The following SECISBP2L variants were observed in gnomAD, a reference collection of about 807,000 sequenced individuals.
SECISBP2L encodes SECIS binding protein 2 like, also known as selenocysteine insertion sequence-binding protein 2-like.
A neutral mutation model predicts 114.7 loss-of-function variants in SECISBP2L; 43 were observed. The ratio of observed to expected loss-of-function variants is 0.38; its 90% CI spans 0.29 to 0.48. The LOEUF is 0.48. Ranked by LOEUF, SECISBP2L falls within the 20% of genes least tolerant of loss-of-function variation. SECISBP2L has a pLI of 0.98. For missense variants in SECISBP2L, 1,136 were observed against 1,301.1 expected (o/e 0.87, Z 1.95); for synonymous variants, 451 against 439.7 (o/e 1.03, Z -0.32).
intron 11 of SECISBP2L, among the ~76,000 whole-genome samples, chr15:49,013,543 C>G (rs185154673): frequency 1.3e-5 from 2 of 152,196 alleles, no homozygotes; most frequent in African/African-American, 4.8e-5. Context: ...GATCCGCCCA[C>G]GCTGGCCTCC....
chr15:49,006,718 T>C (rs1157535781), intron 14 of SECISBP2L, among the ~76,000 whole-genome samples: 1 of 152,090 alleles, frequency 6.6e-6, no homozygotes, highest in Non-Finnish European at 1.5e-5. Context: ...TCGGAGGAGT[T>C]TGTTAACATT....
At position 49,028,083 on chromosome 15, in the gene SECISBP2L, G is replaced by C. The variant is rs750081610; in HGVS notation, c.919+61C>G. On this transcript the variant is annotated intron_variant, in intron 6 of 17. Coordinates refer to ENST00000559471, the MANE Select transcript of SECISBP2L (RefSeq NM_001193489.2). ...TATCAGCAAGCCTCATGCTTAAAAG[G>C]AAAACTCTGATATGGACAAAGTAGA... 4 of 1,463,398 alleles carry C rather than the reference G, an allele frequency of 2.7e-6. No homozygotes were observed. The Admixed American group carries it at 9.6e-5, about 35-fold the overall frequency. 90.7% of individuals were successfully genotyped at this position (1,463,398 alleles called of 1,614,324 possible). A position where few individuals can be genotyped will look rare whatever the true frequency, so the allele number is the denominator to read the frequency against.
intron 5 of SECISBP2L, 96 bp from the exon 6 acceptor site, chr15:49,028,264 G>T: frequency 9.2e-7 from 1 of 1,084,998 alleles, no homozygotes; most frequent in African/African-American, 1.6e-5. Context: ...TGTGAAGCAT[G>T]CATATCACAA....
chr15:48,992,965 T>C (rs757122762), intron 17 of SECISBP2L, 39 bp from the exon 18 acceptor site: 2 of 1,520,946 alleles, frequency 1.3e-6, no homozygotes, highest in East Asian at 2.3e-5. Context: ...ACCAGAACAC[T>C]GTTTCAAAAT....
rs1198271832 is a variant in SECISBP2L at position 48,991,084 on chromosome 15, G to C, written c.*1160C>G. ...ATAGAGAATTAATACCTACATATCT[G>C]TATACTCTAAATCATCTAATAGTTT... On this transcript the variant is annotated 3_prime_UTR_variant, in exon 18 of 18. Coordinates refer to ENST00000559471, the MANE Select transcript of SECISBP2L (RefSeq NM_001193489.2). 6.6e-6 allele frequency: 1 copy of C among 152,150 alleles called. No homozygotes were observed. The highest frequency in any genetic ancestry group is 1.5e-5 in the Non-Finnish European group (1 of 68,026). The allele number at this position is 152,150 out of a possible 1,614,324, so 9.4% of individuals were successfully genotyped here. A position where few individuals can be genotyped will look rare whatever the true frequency, so the allele number is the denominator to read the frequency against.
chr15:49,016,751 T>C (rs764208623), intron 10 of SECISBP2L, 50 bp from the exon 11 acceptor site: 4 of 1,522,750 alleles, frequency 2.6e-6, no homozygotes, highest in Non-Finnish European at 3.5e-6. Context: ...TACGAAACTG[T>C]GGCATTTTAA....
rs1902456980 is a variant in SECISBP2L, at chr15:49,012,560, G to A, written c.1731+88C>T. ...TGAATACTTCTCACAACAATCTGTT[G>A]GCTAAGACACCACAACCTACTTTTA... On this transcript the variant is annotated intron_variant, in intron 12 of 17. Coordinates refer to ENST00000559471, the MANE Select transcript of SECISBP2L (RefSeq NM_001193489.2). 3 of 1,342,412 alleles carry A rather than the reference G, an allele frequency of 2.2e-6. No homozygotes were observed. In the African/African-American group the frequency reaches 4.4e-5, roughly 20 times the overall value. 83.2% of individuals were successfully genotyped at this position (1,342,412 alleles called of 1,614,324 possible). A position where few individuals can be genotyped will look rare whatever the true frequency, so the allele number is the denominator to read the frequency against.
At chr15:49,012,879 T>G (rs971468103) in intron 11 of SECISBP2L, 62 bp from the exon 12 acceptor site, 4 of 1,514,254 alleles carry the variant, frequency 2.6e-6, no homozygotes, top group Non-Finnish European at 2.7e-6. Context: ...TTTCAAAATT[T>G]CCAATAACTA....
chr15:49,030,982 T>C (rs775114083), intron 4 of SECISBP2L, among the ~76,000 whole-genome samples: 1 of 152,030 alleles, frequency 6.6e-6, no homozygotes, highest in Non-Finnish European at 1.5e-5. Flanking sequence ...CAAAATCACT[T>C]TGAACATGAT....
At chr15:48,998,104 G>T (rs944829608) in intron 16 of SECISBP2L, among the ~76,000 whole-genome samples, 7 of 152,112 alleles carry the variant, frequency 4.6e-5, no homozygotes, top group Non-Finnish European at 8.8e-5. Context: ...ACATAACCTG[G>T]ACATTTTTGA....
At chr15:48,994,842 GA>G (rs34085482) in intron 17 of SECISBP2L, among the ~76,000 whole-genome samples, 18 of 133,050 alleles carry the variant, frequency 1.4e-4, no homozygotes, top group African/African-American at 4.5e-4. Context: ...AAGTGCTGGG[GA>G]AAAAAAAAAA....
chr15:49,011,975 G>T lies in SECISBP2L; in HGVS notation c.1732-112C>A, dbSNP rs1902446413. The T allele has an allele frequency of 2.4e-6, 3 of 1,250,256 alleles. No homozygotes were observed. The African/African-American group carries it at 4.5e-5, about 19-fold the overall frequency. The allele number at this position is 1,250,256 out of a possible 1,614,324, so 77.4% of individuals were successfully genotyped here. On this transcript the variant is annotated intron_variant, in intron 12 of 17. Coordinates refer to ENST00000559471, the MANE Select transcript of SECISBP2L (RefSeq NM_001193489.2). Reference sequence around the variant, plus strand: ...GTAGTTCACTTAAACATGAACATGAGAAGTTTGGCTAACTGGCAAAAAGGC... The same window carrying T: ...GTAGTTCACTTAAACATGAACATGATAAGTTTGGCTAACTGGCAAAAAGGC...
chr15:49,037,552 C>T (rs767517526), intron 2 of SECISBP2L, 39 bp downstream of exon 2: 4 of 1,576,996 alleles, frequency 2.5e-6, no homozygotes, highest in South Asian at 2.3e-5. Flanking sequence ...GCTTTTATAG[C>T]CACCCCCACA....
At chr15:49,017,398 A>C (rs1245989024) in intron 9 of SECISBP2L, 150 bp downstream of exon 9, 1 of 590,500 alleles carries the variant, frequency 1.7e-6, no homozygotes, top group Non-Finnish European at 2.9e-6. Context: ...GCTATGCTGG[A>C]AAAGAAATAT....
At chr15:49,045,197 C>G (rs1903219031) in intron 1 of SECISBP2L, among the ~76,000 whole-genome samples, 1 of 151,880 alleles carries the variant, frequency 6.6e-6, no homozygotes, top group Non-Finnish European at 1.5e-5. Flanking sequence ...AAAAAAAAGT[C>G]TTCTGTAAAA....
chr15:49,024,390 G>A (rs776513812), intron 7 of SECISBP2L, among the ~76,000 whole-genome samples: 1 of 151,790 alleles, frequency 6.6e-6, no homozygotes, highest in Non-Finnish European at 1.5e-5. Context: ...CAGCTACTCA[G>A]GAGGCTGAGG....
At chr15:49,033,785 T>C (rs989118451) in intron 3 of SECISBP2L, among the ~76,000 whole-genome samples, 5 of 152,168 alleles carry the variant, frequency 3.3e-5, no homozygotes, top group African/African-American at 1.2e-4. Context: ...TGAGCAATGA[T>C]TGCTCTACTG....
In SECISBP2L at chr15:48,990,796, T is replaced by C. The variant is rs1315505264; in HGVS notation, c.*1448A>G. 3 of 137,462 alleles carry C rather than the reference T, an allele frequency of 2.2e-5. No individual in the cohort carries two copies. Among genetic ancestry groups the C allele is most frequent in the African/African-American group, 8.3e-5 (3 of 36,216 alleles). 8.5% of individuals were successfully genotyped at this position (137,462 alleles called of 1,614,324 possible). ...TCCTTCTCAGTTTTGTGCCTGCTTA[T>C]GGAAGCTTGTAAGTGGAAAACACAC... On this transcript the variant is annotated 3_prime_UTR_variant, in exon 18 of 18. Coordinates refer to ENST00000559471, the MANE Select transcript of SECISBP2L (RefSeq NM_001193489.2).
chr15:48,993,091 C>CAGAGAG (rs140847057), intron 17 of SECISBP2L, among the ~76,000 whole-genome samples, 165 bp from the exon 18 acceptor site: 30,115 of 140,310 alleles, frequency 0.21, 3,786 homozygotes, highest in Non-Finnish European at 0.29. Context: ...TAGTTTGAGA[C>CAGAGAG]AGAGAGAGAG....
Sources: gnomAD v4.1 joint callset for allele counts (sites outside exome capture counted in the v4.1 genomes callset) on GRCh38, gnomAD v4.1.1 for gene constraint, MANE v1.5 for transcripts, NCBI Gene and HGNC (gene_info 2026-07-23, HGNC 2026-07-21) for gene names.